Variants in NRXN1 observed in about 807,000 individuals in gnomAD.
NRXN1 encodes neurexin 1, also known as neurexin-1.
A neutral mutation model predicts 150.9 loss-of-function variants in NRXN1; 39 were observed. The observed-to-expected ratio is 0.26, with a 90% CI of 0.20 to 0.34. The LOEUF (loss-of-function observed/expected upper bound fraction) is 0.34. Ranked by LOEUF, NRXN1 falls within the 10% of genes least tolerant of loss-of-function variation. The pLI is 1.00. For missense variants in NRXN1, 1,815 were observed against 1,949.9 expected, an observed-to-expected ratio of 0.93 and a Z score of 1.30; for synonymous variants, 924 against 757.0, an observed-to-expected ratio of 1.22 and a Z score of -3.62.
chr2:50,409,798 T>C (rs1241075733), intron 17 of NRXN1, among the ~76,000 whole-genome samples: 1 of 152,230 alleles, frequency 6.6e-6, no homozygotes, highest in African/African-American at 2.4e-5. Context: ...GATTATCTAT[T>C]AGAATTTAGT....
intron 2 of NRXN1, among the ~76,000 whole-genome samples, chr2:50,988,382 C>T (rs1291895020): frequency 6.6e-6 from 1 of 151,912 alleles, no homozygotes; most frequent in Non-Finnish European, 1.5e-5. Context: ...ATGAAGTGAA[C>T]AGTATGGCTT....
chr2:50,184,696 G>A (rs79576248), intron 18 of NRXN1, among the ~76,000 whole-genome samples: 1 of 151,198 alleles, frequency 6.6e-6, no homozygotes, highest in Non-Finnish European at 1.5e-5. Context: ...GTAGTGTGCT[G>A]TCTCTCTCTG....
intron 18 of NRXN1, among the ~76,000 whole-genome samples, chr2:50,192,302 G>C (rs2061493713): frequency 6.6e-6 from 1 of 152,060 alleles, no homozygotes; most frequent in Non-Finnish European, 1.5e-5. Flanking sequence ...AGCATGAAAT[G>C]CATCTTTTAA....
At chr2:50,350,901 T>A (rs1310612416) in intron 17 of NRXN1, among the ~76,000 whole-genome samples, 1 of 152,164 alleles carries the variant, frequency 6.6e-6, no homozygotes, top group East Asian at 1.9e-4. Flanking sequence ...TCCAGGCAGA[T>A]GTCTAGGGCA....
intron 5 of NRXN1, among the ~76,000 whole-genome samples, chr2:50,898,116 C>A (rs558737079): frequency 6.6e-6 from 1 of 152,160 alleles, no homozygotes; most frequent in South Asian, 2.1e-4. Flanking sequence ...AGATAAAGTT[C>A]TCCTATTAAG....
intron 16 of NRXN1, among the ~76,000 whole-genome samples, chr2:50,471,826 C>A (rs1324707269): frequency 5.9e-5 from 9 of 151,640 alleles, no homozygotes; most frequent in Admixed American, 5.3e-4. Context: ...ACAAAAAACC[C>A]CTATGACACA....
chr2:50,253,942 G>C (rs2067425694), intron 17 of NRXN1, among the ~76,000 whole-genome samples: 1 of 152,004 alleles, frequency 6.6e-6, no homozygotes, highest in Non-Finnish European at 1.5e-5. Flanking sequence ...ATGAGTTAGG[G>C]AGAAGTCCCT....
chr2:49,935,667 AT>A (rs1392526777), intron 22 of NRXN1, among the ~76,000 whole-genome samples: 2 of 152,220 alleles, frequency 1.3e-5, no homozygotes, highest in African/African-American at 4.8e-5. Context: ...TGGAGGCAGC[AT>A]GTCCTCTAGA....
chr2:50,265,990 TTATTATTATTTA>T (rs1212791983), intron 17 of NRXN1, among the ~76,000 whole-genome samples: 3 of 98,126 alleles, frequency 3.1e-5, no homozygotes, highest in African/African-American at 8.2e-5. Flanking sequence ...ATTATTATTA[TTATTATTATTTA>T]TTTTTTTTTT....
chr2:50,197,788 C>T (rs938419650), intron 18 of NRXN1, among the ~76,000 whole-genome samples: 6 of 152,084 alleles, frequency 3.9e-5, no homozygotes, highest in African/African-American at 1.4e-4. Context: ...AAGAGACATG[C>T]TAATATCACA....
At chr2:50,944,532 TG>T (rs1690009275) in intron 2 of NRXN1, among the ~76,000 whole-genome samples, 1 of 152,222 alleles carries the variant, frequency 6.6e-6, no homozygotes, top group Non-Finnish European at 1.5e-5. Flanking sequence ...TTATTCATTT[TG>T]TATAAGAAAA....
At chr2:50,002,041 T>C (rs1359025874) in intron 21 of NRXN1, among the ~76,000 whole-genome samples, 1 of 151,760 alleles carries the variant, frequency 6.6e-6, no homozygotes, top group African/African-American at 2.4e-5. Flanking sequence ...AAGAATTAAG[T>C]TTTATCAACA....
At position 50,748,183 on chromosome 2, in the gene NRXN1, G is replaced by A. The variant is rs1278893985; in HGVS notation, c.833-124568C>T. 3.9e-5 allele frequency among the ~76,000 whole-genome samples: 6 copies of A among 152,142 alleles called. No individual in the cohort carries two copies. The East Asian group carries it at 1.2e-3, about 29-fold the overall frequency. On this transcript the variant is annotated intron_variant, in intron 5 of 22. Transcript: ENST00000401669. ...TAGTAATAACCCAACCAAGACTGCT[G>A]AATGTTTCTCTGACTGCAAAGGCTG...
At chr2:50,038,037 G>T (rs139975942) in intron 21 of NRXN1, among the ~76,000 whole-genome samples, 35 of 152,238 alleles carry the variant, frequency 2.3e-4, no homozygotes, top group African/African-American at 8.2e-4. Flanking sequence ...AAGAAAGAGG[G>T]TCGATGAATG....
chr2:50,318,358 G>T (rs1337316162), intron 17 of NRXN1, among the ~76,000 whole-genome samples: 1 of 152,084 alleles, frequency 6.6e-6, no homozygotes, highest in Non-Finnish European at 1.5e-5. Flanking sequence ...GACAGCAGGT[G>T]AATGGTAAGT....
At chr2:50,702,578 G>A (rs1009512830) in intron 5 of NRXN1, among the ~76,000 whole-genome samples, 8 of 151,904 alleles carry the variant, frequency 5.3e-5, no homozygotes, top group Admixed American at 3.3e-4. Flanking sequence ...TGCCTTGGCC[G>A]CCACATCTCA....
intron 5 of NRXN1, among the ~76,000 whole-genome samples, chr2:50,904,058 G>C (rs749735923): frequency 1.3e-5 from 2 of 152,080 alleles, no homozygotes; most frequent in African/African-American, 4.8e-5. Flanking sequence ...TGCTCTTTCC[G>C]CACTCTTAAG....
At chr2:50,910,513 G>A (rs886343401) in intron 5 of NRXN1, among the ~76,000 whole-genome samples, 2 of 151,874 alleles carry the variant, frequency 1.3e-5, no homozygotes, top group Non-Finnish European at 2.9e-5. Flanking sequence ...CTTAACTCCA[G>A]TCTCCATGAT....
At chr2:50,868,469 G>C (rs1677289740) in intron 5 of NRXN1, among the ~76,000 whole-genome samples, 1 of 151,392 alleles carries the variant, frequency 6.6e-6, no homozygotes, top group African/African-American at 2.4e-5. Context: ...ACATTATTCA[G>C]GTGATGGTTA....
Sources: allele counts gnomAD v4.1 joint callset (sites outside exome capture counted in the v4.1 genomes callset), GRCh38; gene constraint gnomAD v4.1.1; transcripts MANE v1.5; gene names NCBI Gene and HGNC (gene_info 2026-07-23, HGNC 2026-07-21).